Variants in GRHL1 observed in about 807,000 individuals in gnomAD.
The protein encoded by GRHL1 is grainyhead like transcription factor 1, also known as grainyhead-like protein 1 homolog.
A neutral mutation model predicts 75.7 loss-of-function variants in GRHL1; 38 were observed. The observed-to-expected ratio is 0.50, with a 90% CI of 0.39 to 0.66. The LOEUF (loss-of-function observed/expected upper bound fraction) is 0.66, where lower values mean the gene tolerates loss of function less well. Among genes scored for constraint, GRHL1 ranks in the 30% least tolerant of loss-of-function variants. The probability of loss-of-function intolerance (pLI) is 0.00; values close to 1 mark genes in which losing one functional copy is unlikely to be tolerated. For synonymous variants in GRHL1, 266 were observed against 279.4 expected, an observed-to-expected ratio of 0.95 and a Z score of 0.48; for missense variants, 589 against 767.5, an observed-to-expected ratio of 0.77 and a Z score of 2.75.
chr2:10,001,479 C>T lies in GRHL1; in HGVS notation c.*772C>T, dbSNP rs1669266297. 1 of 152,092 alleles carries T rather than the reference C, an allele frequency of 6.6e-6. No homozygotes were observed. The highest frequency in any genetic ancestry group is 1.5e-5 in the Non-Finnish European group (1 of 68,014). The allele number at this position is 152,092 out of a possible 1,614,324, so 9.4% of individuals were successfully genotyped here. A position where few individuals can be genotyped will look rare whatever the true frequency, so the allele number is the denominator to read the frequency against. On this transcript the variant is annotated 3_prime_UTR_variant, in exon 16 of 16. Transcript: ENST00000324907. ...AGTGAAGATATGCAGTAAGAGCTAC[C>T]TTAAAGACTTTCCCTAGACAAAGGT...
rs894302865 is a variant in GRHL1, at chr2:9,955,081, C to T, written c.187C>T (p.Leu63=). The T allele has an allele frequency of 6.2e-7, 1 of 1,612,794 alleles. No homozygotes were observed. Among genetic ancestry groups the T allele is most frequent in the African/African-American group, 1.3e-5 (1 of 74,908 alleles). The stretch of plus-strand genomic sequence containing the variant: ...TGAAGACAGCGCCGCTGCGCTGGGC[C>T]TGCTCTATGACTACTACAAGGTGGG... ...GDEDSAAALG[L]LYDYYKVPRE... The change falls in exon 2 of 16, where the codon CTG becomes TTG. Residue 63 remains leucine, a synonymous_variant. Coordinates refer to ENST00000324907, the MANE Select transcript of GRHL1 (RefSeq NM_198182.3).
rs573227558 is a variant in GRHL1 at position 9,996,824 on chromosome 2, C to T, written c.1677+423C>T. The stretch of plus-strand genomic sequence containing the variant: ...CTGAACTTGCATCAAGACCTCACTA[C>T]AGCCTATTGCAGAGAAAGTAGACGT... On this transcript the variant is annotated intron_variant, in intron 14 of 15. Coordinates refer to ENST00000324907, the MANE Select transcript of GRHL1 (RefSeq NM_198182.3). 2.0e-5 allele frequency among the ~76,000 whole-genome samples: 3 copies of T among 152,328 alleles called. No homozygotes were observed. The South Asian group carries it at 6.2e-4, about 32-fold the overall frequency.
chr2:9,954,872 T>C (rs1181738661), intron 1 of GRHL1, 43 bp from the exon 2 acceptor site: 2 of 1,496,512 alleles, frequency 1.3e-6, no homozygotes, highest in African/African-American at 1.4e-5. Flanking sequence ...TACCTTGCAG[T>C]AGAAAAGTGT....
At position 9,994,310 on chromosome 2, in the gene GRHL1, A is replaced by AATTATTATTATT. The variant is rs70948860; in HGVS notation, c.1499+1097_1499+1108dup. ...CAGGCACATGCCACCACACCCATCT[A>AATTATTATTATT]ATTATTATTATTATTATTATTATTA... On this transcript the variant is annotated intron_variant, in intron 12 of 15. Transcript: ENST00000324907. Among the ~76,000 whole-genome samples the AATTATTATTATT allele has an allele frequency of 2.0e-3, 284 of 139,178 alleles. 5 individuals carry two copies. The highest frequency in any genetic ancestry group is 0.012 in the South Asian group (48 of 4,044). The allele number at this position is 139,178 out of a possible 152,430, so 91.3% of individuals were successfully genotyped here.
At chr2:9,983,015 G>GCCC (rs1668263380) in intron 8 of GRHL1, among the ~76,000 whole-genome samples, 1 of 152,186 alleles carries the variant, frequency 6.6e-6, no homozygotes, top group Admixed American at 6.5e-5. Context: ...CAGCTCAAAT[G>GCCC]CTTTGATGTT....
intron 8 of GRHL1, among the ~76,000 whole-genome samples, chr2:9,984,327 TGAA>T (rs148568349): frequency 0.026 from 3,988 of 152,258 alleles, 174 homozygotes; most frequent in African/African-American, 0.09. Flanking sequence ...CTCACGGGGT[TGAA>T]GGGTCTGAAA....
In GRHL1 at chr2:9,990,860, G is replaced by A; in HGVS notation, c.1321+113G>A. ...GGCTGGAGTTTGCACGCAGAAGACAGTGGGTGTTCTTCCTGTTCTGCAGTG... is the reference window on the plus strand; with the variant it reads ...GGCTGGAGTTTGCACGCAGAAGACAATGGGTGTTCTTCCTGTTCTGCAGTG... On this transcript the variant is annotated intron_variant, in intron 10 of 15. Transcript: ENST00000324907. The surrounding 1 kb of genome is among the most constrained non-coding windows in gnomAD (Gnocchi z 4.2). 1 of 787,316 alleles carries A rather than the reference G, an allele frequency of 1.3e-6. No homozygotes were observed. The highest frequency in any genetic ancestry group is 2.1e-6 in the Non-Finnish European group (1 of 469,696). 48.8% of individuals were successfully genotyped at this position (787,316 alleles called of 1,614,324 possible).
chr2:9,952,147 T>C (rs1223425922), intron 1 of GRHL1, among the ~76,000 whole-genome samples: 7 of 151,836 alleles, frequency 4.6e-5, no homozygotes, highest in African/African-American at 1.7e-4. Flanking sequence ...GGCGCGCACC[T>C]TGGGGTCCGG....
intron 2 of GRHL1, among the ~76,000 whole-genome samples, chr2:9,958,299 C>G (rs775316790): frequency 6.6e-6 from 1 of 151,676 alleles, no homozygotes; most frequent in Non-Finnish European, 1.5e-5. Flanking sequence ...ACCGCAGTCT[C>G]TCTTGTGTAG....
rs554330332 is a variant in GRHL1, at chr2:9,971,200, G to C, written c.1110+5819G>C. 3.9e-5 allele frequency among the ~76,000 whole-genome samples: 6 copies of C among 152,266 alleles called. No individual in the cohort carries two copies. In the East Asian group the frequency reaches 1.2e-3, roughly 29 times the overall value. ...CTGAACATATTGCTTGCATTTATCA[G>C]AATTCCATTCTAGTGAAGCACCCGT... On this transcript the variant is annotated intron_variant, in intron 8 of 15. Coordinates refer to ENST00000324907, the MANE Select transcript of GRHL1 (RefSeq NM_198182.3).
intron 2 of GRHL1, among the ~76,000 whole-genome samples, chr2:9,957,052 G>T (rs1196551229): frequency 6.7e-6 from 1 of 149,380 alleles, no homozygotes; most frequent in African/African-American, 2.5e-5. Flanking sequence ...CCACGCTGAA[G>T]TGTGGTGGTG....
intron 8 of GRHL1, among the ~76,000 whole-genome samples, chr2:9,975,198 G>A (rs2125224630): frequency 6.6e-6 from 1 of 152,332 alleles, no homozygotes. Flanking sequence ...GGAGTCTGAA[G>A]TCACAGACAT....
intron 8 of GRHL1, among the ~76,000 whole-genome samples, chr2:9,981,579 A>G (rs2125231559): frequency 6.6e-6 from 1 of 152,346 alleles, no homozygotes; most frequent in East Asian, 1.9e-4. Flanking sequence ...CTGCTTTTAC[A>G]CTATTACTGC....
Position 10,000,893 on chromosome 2 carries a change from G to GAGA in GRHL1, c.*186_*187insAGA. On this transcript the variant is annotated 3_prime_UTR_variant, in exon 16 of 16. Transcript: ENST00000324907. ...TGGTAGCATTTAATCTATTGCATTG[G>GAGA]TGTTTTTCAGATGAAAGAGAAATCC... 1 of 450,872 alleles carries GAGA rather than the reference G, an allele frequency of 2.2e-6. No individual in the cohort carries two copies. The highest frequency in any genetic ancestry group is 3.9e-6 in the Non-Finnish European group (1 of 255,080). 27.9% of individuals were successfully genotyped at this position (450,872 alleles called of 1,614,324 possible). A position where few individuals can be genotyped will look rare whatever the true frequency, so the allele number is the denominator to read the frequency against.
At position 9,951,783 on chromosome 2, in the gene GRHL1, G is replaced by C; in HGVS notation, c.-51G>C. The C allele has an allele frequency of 6.6e-7, 1 of 1,506,258 alleles. No homozygotes were observed. The highest frequency in any genetic ancestry group is 8.9e-7 in the Non-Finnish European group (1 of 1,122,934). The allele number at this position is 1,506,258 out of a possible 1,614,324, so 93.3% of individuals were successfully genotyped here. ...CTCCTCCCCCCGGATCGGGTGTACTGTCCCAACCCGAAAGTCCAGTTCTGC... is the reference window on the plus strand; with the variant it reads ...CTCCTCCCCCCGGATCGGGTGTACTCTCCCAACCCGAAAGTCCAGTTCTGC... On this transcript the variant is annotated 5_prime_UTR_variant, in exon 1 of 16. Transcript: ENST00000324907. This position sits in a 1 kb window ranked among gnomAD's most constrained non-coding sequence, Gnocchi z 4.2.
intron 8 of GRHL1, among the ~76,000 whole-genome samples, chr2:9,970,521 G>T (rs188839804): frequency 6.6e-6 from 1 of 152,192 alleles, no homozygotes; most frequent in South Asian, 2.1e-4. Context: ...CAGGTTGCTC[G>T]CAGAGAGATG....
chr2:9,952,924 T>C (rs1011704610), intron 1 of GRHL1: 1 of 437,196 alleles, frequency 2.3e-6, no homozygotes, highest in Admixed American at 2.6e-5. Context: ...AGTTAAATTA[T>C]TGCCTGAAAC....
intron 1 of GRHL1, chr2:9,952,966 G>T (rs1666855858): frequency 4.4e-6 from 2 of 452,346 alleles, no homozygotes. Context: ...TCGCAGACGC[G>T]GAGTTTAAGG....
rs769981894 is a variant in GRHL1 at position 9,962,486 on chromosome 2, T to C, written c.701T>C (p.Met234Thr). The C allele has an allele frequency of 6.2e-6, 10 of 1,604,098 alleles. No individual in the cohort carries two copies. Among genetic ancestry groups the C allele is most frequent in the African/African-American group, 1.3e-5 (1 of 74,876 alleles). Residue 234 changes from methionine (M) to threonine (T), a missense_variant, in exon 5 of 16, where the codon ATG (methionine) becomes ACG (threonine). By Grantham distance (81) the Met-to-Thr change is moderately conservative (BLOSUM62 -1). Transcript: ENST00000324907. ...TTCCCCTCGGATCTCAGTCTGCGGA[T>C]GCCTGGCATGAATTCAGAGGACTAT... is the stretch of plus-strand genomic sequence containing the variant. ...VFFPSDLSLR[M>T]PGMNSEDYVF...
Sources: allele counts gnomAD v4.1 joint callset (sites outside exome capture counted in the v4.1 genomes callset), GRCh38; gene constraint gnomAD v4.1.1; non-coding constraint Gnocchi (gnomAD v3.1); transcripts MANE v1.5; gene names NCBI Gene and HGNC (gene_info 2026-07-23, HGNC 2026-07-21).